Variants in CAST observed in about 807,000 individuals in gnomAD.
CAST encodes MIR583 host.
A neutral mutation model predicts 119.6 loss-of-function variants in CAST; 76 were observed. The ratio of observed to expected loss-of-function variants is 0.64; its 90% CI spans 0.53 to 0.77. The LOEUF is 0.77. CAST is among the 30% of genes least tolerant of loss of function. The pLI is 0.00. For synonymous variants in CAST, 319 were observed against 331.6 expected (o/e 0.96, Z 0.41); for missense variants, 953 against 946.5 (o/e 1.01, Z -0.09).
the CAST span, among the ~76,000 whole-genome samples, chr5:96,318,155 G>A: frequency 2.0e-5 from 3 of 152,186 alleles, no homozygotes; most frequent in African/African-American, 7.2e-5. Context: ...ACCATAAGAC[G>A]CTGATTCATT....
At chr5:95,986,609 C>T in the CAST span, among the ~76,000 whole-genome samples, 2 of 152,146 alleles carry the variant, frequency 1.3e-5, no homozygotes, top group African/African-American at 4.8e-5. Flanking sequence ...CTTACTTAAT[C>T]ACTTTCAAGG....
chr5:96,277,775 A>G, the CAST span, among the ~76,000 whole-genome samples: 6 of 152,144 alleles, frequency 3.9e-5, no homozygotes, highest in Non-Finnish European at 7.4e-5. Flanking sequence ...CACCAGAAGT[A>G]TATGAATGGT....
At chr5:96,553,443 C>A (rs1421914375) in intron 1 of CAST, among the ~76,000 whole-genome samples, 2 of 152,184 alleles carry the variant, frequency 1.3e-5, no homozygotes, top group African/African-American at 2.4e-5. Context: ...GACAAACCCA[C>A]AACCAGTATC....
At chr5:96,527,789 T>C (rs761171348), upstream of CAST, among the ~76,000 whole-genome samples, 62 of 152,192 alleles carry the variant, frequency 4.1e-4, no homozygotes, top group Non-Finnish European at 6.9e-4. Context: ...CCAATATCCA[T>C]GGCCATGAGG....
chr5:96,068,593 ATGTGTGTGTGTGTG>A, the CAST span, among the ~76,000 whole-genome samples: 16 of 142,182 alleles, frequency 1.1e-4, no homozygotes, highest in South Asian at 6.9e-4. Flanking sequence ...CAATAGGATT[ATGTGTGTGTGTGTG>A]TGTGTGTGTG....
chr5:96,496,421 G>A, the CAST span, among the ~76,000 whole-genome samples: 2 of 152,176 alleles, frequency 1.3e-5, no homozygotes, highest in Non-Finnish European at 2.9e-5. Flanking sequence ...GATCAACCCT[G>A]TTACATCAAG....
At chr5:96,413,260 G>A in the CAST span, among the ~76,000 whole-genome samples, 90 of 152,230 alleles carry the variant, frequency 5.9e-4, no homozygotes, top group African/African-American at 1.9e-3. Flanking sequence ...ATGTAGGTGC[G>A]GTAGCTCTTT....
At chr5:96,691,195 T>G (rs1482908231) in intron 2 of CAST, among the ~76,000 whole-genome samples, 1 of 152,228 alleles carries the variant, frequency 6.6e-6, no homozygotes, top group Non-Finnish European at 1.5e-5. Context: ...ATGGGACCAC[T>G]GTTCCATATA....
intron 1 of CAST, among the ~76,000 whole-genome samples, chr5:96,646,131 C>T (rs560610683): frequency 6.6e-6 from 1 of 152,150 alleles, no homozygotes; most frequent in Admixed American, 6.5e-5. Context: ...TAAAACACAC[C>T]ACCGTCAATA....
chr5:96,279,254 C>T, the CAST span, among the ~76,000 whole-genome samples: 1 of 152,086 alleles, frequency 6.6e-6, no homozygotes, highest in South Asian at 2.1e-4. Flanking sequence ...AAGGTCAGTC[C>T]AGAGACTTGA....
At chr5:96,043,211 T>C in the CAST span, among the ~76,000 whole-genome samples, 4 of 152,202 alleles carry the variant, frequency 2.6e-5, no homozygotes, top group Admixed American at 2.0e-4. Flanking sequence ...CAAAATCAAC[T>C]ATGTTCTTCT....
At chr5:96,044,012 T>C in the CAST span, among the ~76,000 whole-genome samples, 7 of 152,348 alleles carry the variant, frequency 4.6e-5, no homozygotes, top group East Asian at 5.8e-4. Flanking sequence ...AAGGAATAAA[T>C]GTATAGCAAC....
At chr5:96,305,282 G>A in the CAST span, among the ~76,000 whole-genome samples, 1 of 152,188 alleles carries the variant, frequency 6.6e-6, no homozygotes, top group Non-Finnish European at 1.5e-5. Context: ...AGGAATGCTT[G>A]TGATTTTTGC....
At chr5:96,060,906 G>A in the CAST span, among the ~76,000 whole-genome samples, 1 of 152,146 alleles carries the variant, frequency 6.6e-6, no homozygotes, top group Non-Finnish European at 1.5e-5. Context: ...GATTTCTGGT[G>A]AAGGTGCTCT....
chr5:96,611,293 A>G (rs1747356647), intron 1 of CAST, among the ~76,000 whole-genome samples: 1 of 152,200 alleles, frequency 6.6e-6, no homozygotes, highest in Non-Finnish European at 1.5e-5. Flanking sequence ...CAGAACCCAG[A>G]AACAGAGCCA....
the CAST span, among the ~76,000 whole-genome samples, chr5:96,021,711 G>C: frequency 5.9e-5 from 9 of 152,158 alleles, no homozygotes; most frequent in Non-Finnish European, 1.3e-4. Flanking sequence ...CTCCCAAAGT[G>C]TTGGGATTAC....
the CAST span, among the ~76,000 whole-genome samples, chr5:96,066,943 G>C: frequency 6.6e-6 from 1 of 151,996 alleles, no homozygotes; most frequent in African/African-American, 2.4e-5. Flanking sequence ...TGGAATTACA[G>C]GTGTTAAGTC....
chr5:96,611,304 C>T (rs1042976752), intron 1 of CAST, among the ~76,000 whole-genome samples: 1 of 152,128 alleles, frequency 6.6e-6, no homozygotes, highest in Non-Finnish European at 1.5e-5. Context: ...AACAGAGCCA[C>T]TCATCTACAA....
At chr5:96,380,050 T>C in the CAST span, among the ~76,000 whole-genome samples, 3 of 152,264 alleles carry the variant, frequency 2.0e-5, no homozygotes, top group Admixed American at 1.3e-4. Context: ...ATATTGAAAA[T>C]TCGCTAACAC....
Sources: gnomAD v4.1 joint callset for allele counts (sites outside exome capture counted in the v4.1 genomes callset) on GRCh38, gnomAD v4.1.1 for gene constraint, MANE v1.5 for transcripts, NCBI Gene and HGNC (gene_info 2026-07-23, HGNC 2026-07-21) for gene names.